SPOCK1: variants seen among roughly 807,000 people sequenced by gnomAD.
SPOCK1 encodes testican-1.
In SPOCK1, 23 loss-of-function variants were observed where a neutral mutation model predicts 55.3. The ratio of observed to expected loss-of-function variants is 0.42; its 90% CI spans 0.30 to 0.59. SPOCK1 has a LOEUF of 0.59. Among genes scored for constraint, SPOCK1 ranks in the 20% least tolerant of loss-of-function variants. The probability of loss-of-function intolerance (pLI) is 0.22; values close to 1 mark genes in which losing one functional copy is unlikely to be tolerated. For missense variants in SPOCK1, 499 were observed against 552.5 expected (o/e 0.90, Z 0.97); for synonymous variants, 226 against 221.0 (o/e 1.02, Z -0.20).
intron 5 of SPOCK1, among the ~76,000 whole-genome samples, chr5:137,081,875 G>A (rs957818754): frequency 1.3e-5 from 2 of 152,254 alleles, no homozygotes; most frequent in Non-Finnish European, 2.9e-5. Context: ...GCCCTTGCAA[G>A]AGTCGATTCT....
intron 2 of SPOCK1, among the ~76,000 whole-genome samples, chr5:137,487,983 T>C (rs1477734092): frequency 2.0e-5 from 3 of 152,240 alleles, no homozygotes; most frequent in African/African-American, 7.2e-5. Context: ...GTCTAAAATG[T>C]TATTATTCAT....
intron 4 of SPOCK1, among the ~76,000 whole-genome samples, chr5:137,115,070 T>G (rs1753550902): frequency 6.6e-6 from 1 of 152,168 alleles, no homozygotes; most frequent in Admixed American, 6.5e-5. Flanking sequence ...GACCTGAACT[T>G]CACCATTAAA....
intron 4 of SPOCK1, among the ~76,000 whole-genome samples, chr5:137,136,678 T>C (rs1374447985): frequency 6.6e-6 from 1 of 152,172 alleles, no homozygotes; most frequent in African/African-American, 2.4e-5. Context: ...CAACTATCAT[T>C]ACACCAAACT....
In SPOCK1 at chr5:136,988,461, A is replaced by C. The variant is rs1750883666; in HGVS notation, c.889T>G (p.Ser297Ala). 1 of 1,614,120 alleles carries C rather than the reference A, an allele frequency of 6.2e-7. No individual in the cohort carries two copies. Among genetic ancestry groups the C allele is most frequent in the Non-Finnish European group, 8.5e-7 (1 of 1,180,000 alleles). ...SCDSFKDGKL[S>A]NNEWCYCFQK... is the part of the protein sequence containing the mutation. ...AAGCAGTAGCACCACTCATTGTTAG[A>C]AAGCTTGCCATCCTTGAAGGAGTCA... is the stretch of plus-strand genomic sequence containing the variant. The change falls in exon 8 of 11, where the codon TCT (serine) becomes GCT (alanine). Residue 297 changes from serine (S) to alanine (A), a missense_variant. Coordinates refer to ENST00000394945, the MANE Select transcript of SPOCK1 (RefSeq NM_004598.4).
chr5:137,419,910 C>T (rs1232891542), intron 2 of SPOCK1, among the ~76,000 whole-genome samples: 1 of 152,144 alleles, frequency 6.6e-6, no homozygotes, highest in Non-Finnish European at 1.5e-5. Context: ...CCAGTTTTTG[C>T]CCATTCAGTA....
At chr5:137,344,174 G>A (rs1006125535) in intron 2 of SPOCK1, among the ~76,000 whole-genome samples, 5 of 152,198 alleles carry the variant, frequency 3.3e-5, no homozygotes, top group African/African-American at 1.2e-4. Flanking sequence ...CTCCCAAGAG[G>A]CTCCCATGCA....
At chr5:137,352,562 A>G (rs974776211) in intron 2 of SPOCK1, among the ~76,000 whole-genome samples, 8 of 152,222 alleles carry the variant, frequency 5.3e-5, no homozygotes, top group African/African-American at 1.7e-4. Flanking sequence ...CAGAGCTAGT[A>G]GAGTGCCTGG....
intron 4 of SPOCK1, among the ~76,000 whole-genome samples, chr5:137,119,228 T>C (rs1171355007): frequency 6.6e-6 from 1 of 152,256 alleles, no homozygotes; most frequent in Non-Finnish European, 1.5e-5. Context: ...ACTTTCATGT[T>C]ACTATCAAAT....
At chr5:137,131,748 G>C in intron 4 of SPOCK1, among the ~76,000 whole-genome samples, 1 of 148,956 alleles carries the variant, frequency 6.7e-6, no homozygotes, top group Middle Eastern at 3.6e-3. Context: ...CAAGATGGGC[G>C]GATCACGAGG....
chr5:137,201,299 G>A (rs939248446), intron 3 of SPOCK1, among the ~76,000 whole-genome samples: 9 of 152,192 alleles, frequency 5.9e-5, no homozygotes, highest in African/African-American at 1.9e-4. Flanking sequence ...TAAGATTACA[G>A]CTGATAATGA....
chr5:137,193,288 G>A (rs899641147), intron 3 of SPOCK1, among the ~76,000 whole-genome samples: 6 of 152,170 alleles, frequency 3.9e-5, no homozygotes, highest in Non-Finnish European at 8.8e-5. Context: ...GAGACAGTGA[G>A]AAGTGAAGAA....
At chr5:137,414,383 A>C (rs1184188116) in intron 2 of SPOCK1, among the ~76,000 whole-genome samples, 1 of 152,194 alleles carries the variant, frequency 6.6e-6, no homozygotes, top group African/African-American at 2.4e-5. Flanking sequence ...AAATGTCAAC[A>C]TGTGCTGCAG....
chr5:137,009,414 T>C (rs1393153831), intron 6 of SPOCK1, among the ~76,000 whole-genome samples: 1 of 152,174 alleles, frequency 6.6e-6, no homozygotes, highest in African/African-American at 2.4e-5. Context: ...CCAAGAGAGG[T>C]CAAATGAAAG....
At chr5:137,281,898 C>A (rs1030680900) in intron 2 of SPOCK1, among the ~76,000 whole-genome samples, 1 of 152,198 alleles carries the variant, frequency 6.6e-6, no homozygotes, top group South Asian at 2.1e-4. Flanking sequence ...CTAAAATTAA[C>A]GGTTCTGTTT....
chr5:137,432,209 A>G (rs1752762369), intron 2 of SPOCK1, among the ~76,000 whole-genome samples: 1 of 152,228 alleles, frequency 6.6e-6, no homozygotes, highest in Non-Finnish European at 1.5e-5. Flanking sequence ...TTCCTCAAAA[A>G]GATAAACATA....
At chr5:137,288,399 A>G (rs947867251) in intron 2 of SPOCK1, among the ~76,000 whole-genome samples, 2 of 152,188 alleles carry the variant, frequency 1.3e-5, no homozygotes, top group Non-Finnish European at 2.9e-5. Context: ...ACATAGAAAG[A>G]CCAGCACAGT....
At chr5:137,167,366 C>T (rs1754667958) in intron 3 of SPOCK1, among the ~76,000 whole-genome samples, 1 of 151,862 alleles carries the variant, frequency 6.6e-6, no homozygotes, top group Non-Finnish European at 1.5e-5. Flanking sequence ...ACAATAATAG[C>T]TGGGGACTTC....
At chr5:137,059,069 CA>C (rs1223340384) in intron 6 of SPOCK1, among the ~76,000 whole-genome samples, 3 of 95,834 alleles carry the variant, frequency 3.1e-5, no homozygotes, top group Admixed American at 1.1e-4. Context: ...CTACCATGTG[CA>C]AAAAAAAGAA....
chr5:137,177,709 TAAG>T (rs975547651), intron 3 of SPOCK1, among the ~76,000 whole-genome samples: 27 of 151,650 alleles, frequency 1.8e-4, no homozygotes, highest in African/African-American at 5.6e-4. Flanking sequence ...GACTCAAAGA[TAAG>T]AAGAAGGGGA....
Sources: allele counts gnomAD v4.1 joint callset (sites outside exome capture counted in the v4.1 genomes callset), GRCh38; gene constraint gnomAD v4.1.1; transcripts MANE v1.5; gene names NCBI Gene and HGNC (gene_info 2026-07-23, HGNC 2026-07-21).